The following ATRNL1 variants were observed in gnomAD, a reference collection of about 807,000 sequenced individuals.
ATRNL1 encodes attractin-like protein 1.
ATRNL1 carries 95 observed loss-of-function variants against 182.7 expected under a neutral mutation model. That is an observed-to-expected ratio of 0.52 (90% CI 0.44 to 0.62). ATRNL1 has a LOEUF of 0.62. Ranked by LOEUF, ATRNL1 falls within the 20% of genes least tolerant of loss-of-function variation. ATRNL1 has a pLI of 0.00. For missense variants in ATRNL1, 1,471 were observed against 1,679.5 expected (o/e 0.88, Z 2.17); for synonymous variants, 576 against 568.3 (o/e 1.01, Z -0.19).
At chr10:115,406,308 C>T (rs660790) in intron 20 of ATRNL1, among the ~76,000 whole-genome samples, 59,123 of 151,896 alleles carry the variant, frequency 0.39, 12,913 homozygotes, top group African/African-American at 0.59. Context: ...TTGATAATTC[C>T]AGTTTTGTTT....
At chr10:115,560,790 T>C (rs1241775981) in intron 26 of ATRNL1, among the ~76,000 whole-genome samples, 1 of 152,154 alleles carries the variant, frequency 6.6e-6, no homozygotes, top group Non-Finnish European at 1.5e-5. Context: ...TGGTGTGATA[T>C]GGACATAAGA....
At chr10:115,900,540 A>C (rs1299546614) in intron 28 of ATRNL1, among the ~76,000 whole-genome samples, 2 of 152,264 alleles carry the variant, frequency 1.3e-5, no homozygotes, top group Non-Finnish European at 2.9e-5. Flanking sequence ...ATGATGTGCC[A>C]GATGCTTATA....
At chr10:115,904,867 T>A (rs1952454219) in intron 28 of ATRNL1, among the ~76,000 whole-genome samples, 1 of 152,170 alleles carries the variant, frequency 6.6e-6, no homozygotes, top group Admixed American at 6.5e-5. Flanking sequence ...ATTTTAAAAA[T>A]ATATATCCAC....
intron 19 of ATRNL1, among the ~76,000 whole-genome samples, chr10:115,356,828 A>T (rs982766531): frequency 2.4e-4 from 36 of 152,002 alleles, no homozygotes; most frequent in Non-Finnish European, 3.7e-4. Context: ...GAATATCTTC[A>T]CCTCTGGTTT....
chr10:115,197,579 C>A lies in ATRNL1; in HGVS notation c.1349-18118C>A, dbSNP rs975300912. On this transcript the variant is annotated intron_variant, in intron 8 of 28. Transcript: ENST00000355044. ...TGTAACAAATGACAGGGTTTTCTCC[C>A]TTTTTAAGGTCAAATAAGATTACAC... 2.6e-5 allele frequency among the ~76,000 whole-genome samples: 4 copies of A among 151,918 alleles called. 1 individual carries two copies. The highest frequency in any genetic ancestry group is 4.4e-5 in the Non-Finnish European group (3 of 67,964).
chr10:115,678,337 A>G (rs1945934172), intron 26 of ATRNL1, among the ~76,000 whole-genome samples: 1 of 152,128 alleles, frequency 6.6e-6, no homozygotes, highest in Admixed American at 6.6e-5. Context: ...TGAACAATAA[A>G]TACCAATCTC....
chr10:115,132,881 T>G (rs1845319688), intron 5 of ATRNL1, among the ~76,000 whole-genome samples: 1 of 152,238 alleles, frequency 6.6e-6, no homozygotes, highest in African/African-American at 2.4e-5. Context: ...TTCTGTAGGT[T>G]GCGTTTTCAC....
chr10:115,367,574 C>T (rs1384162377), intron 19 of ATRNL1, among the ~76,000 whole-genome samples: 1 of 152,006 alleles, frequency 6.6e-6, no homozygotes, highest in Admixed American at 6.6e-5. Context: ...AACTGCGTCC[C>T]TTTGGAGGAG....
At chr10:115,681,671 G>C (rs1229153149) in intron 26 of ATRNL1, among the ~76,000 whole-genome samples, 2 of 152,140 alleles carry the variant, frequency 1.3e-5, no homozygotes, top group East Asian at 3.9e-4. Context: ...ATAATCAACT[G>C]AGGGGAATTC....
At chr10:115,903,950 A>T (rs1468609937) in intron 28 of ATRNL1, among the ~76,000 whole-genome samples, 2 of 152,108 alleles carry the variant, frequency 1.3e-5, no homozygotes, top group Non-Finnish European at 2.9e-5. Context: ...AGACGAGGTG[A>T]AATGTGCAAG....
At chr10:115,389,281 C>A in intron 19 of ATRNL1, among the ~76,000 whole-genome samples, 1 of 151,482 alleles carries the variant, frequency 6.6e-6, no homozygotes, top group East Asian at 2.0e-4. Context: ...CCGCGGATGG[C>A]GGATCATGAG....
intron 19 of ATRNL1, among the ~76,000 whole-genome samples, chr10:115,334,906 T>A (rs1855410386): frequency 6.6e-6 from 1 of 152,144 alleles, no homozygotes. Flanking sequence ...ACTGTTCAAA[T>A]GTATGACCTT....
At chr10:115,249,666 T>C (rs377497868) in intron 10 of ATRNL1, among the ~76,000 whole-genome samples, 7 of 152,286 alleles carry the variant, frequency 4.6e-5, no homozygotes, top group African/African-American at 1.4e-4. Flanking sequence ...TATTTTATTT[T>C]TTATTTTTTT....
At chr10:115,788,077 C>T (rs1949438989) in intron 27 of ATRNL1, among the ~76,000 whole-genome samples, 1 of 152,112 alleles carries the variant, frequency 6.6e-6, no homozygotes, top group African/African-American at 2.4e-5. Flanking sequence ...GTAACATTTT[C>T]CCTTGGAAAA....
chr10:115,612,103 T>G (rs185172018), intron 26 of ATRNL1, among the ~76,000 whole-genome samples: 1 of 151,964 alleles, frequency 6.6e-6, no homozygotes, highest in African/African-American at 2.4e-5. Context: ...ATACAAAAAC[T>G]TAACCGGGTG....
chr10:115,206,076 A>T (rs1368372180), intron 8 of ATRNL1, among the ~76,000 whole-genome samples: 1 of 152,074 alleles, frequency 6.6e-6, no homozygotes, highest in African/African-American at 2.4e-5. Context: ...TCCGTGTAGG[A>T]TATTTCTGTT....
intron 24 of ATRNL1, among the ~76,000 whole-genome samples, chr10:115,493,290 T>G (rs1554977204): frequency 6.6e-6 from 1 of 152,086 alleles, no homozygotes; most frequent in African/African-American, 2.4e-5. Flanking sequence ...AGATAGGCCC[T>G]TGTGTATATT....
chr10:115,769,797 G>A (rs991786269), intron 27 of ATRNL1, among the ~76,000 whole-genome samples: 2 of 152,122 alleles, frequency 1.3e-5, no homozygotes, highest in Non-Finnish European at 2.9e-5. Context: ...TACATATAAA[G>A]GGCTTCCAAT....
chr10:115,948,739 C>T lies in ATRNL1; in HGVS notation c.*3960C>T, dbSNP rs1487179556. ...TAAAGAATTTTCCAAGGAATACAAG[C>T]CATCTGGTTGGTGTTAGTTATAGCA... is the stretch of plus-strand genomic sequence containing the variant. On this transcript the variant is annotated 3_prime_UTR_variant, in exon 29 of 29. Transcript: ENST00000355044. 2.6e-5 allele frequency: 4 copies of T among 152,150 alleles called. No individual in the cohort carries two copies. Among genetic ancestry groups the T allele is most frequent in the Non-Finnish European group, 5.9e-5 (4 of 68,028 alleles). 9.4% of individuals were successfully genotyped at this position (152,150 alleles called of 1,614,324 possible).
Sources: gnomAD v4.1 joint callset for allele counts (sites outside exome capture counted in the v4.1 genomes callset) on GRCh38, gnomAD v4.1.1 for gene constraint, MANE v1.5 for transcripts, NCBI Gene and HGNC (gene_info 2026-07-23, HGNC 2026-07-21) for gene names.